The following CEP170 variants were observed in gnomAD, a reference collection of about 807,000 sequenced individuals.
CEP170 encodes centrosomal protein 170.
Under a neutral mutation model 151.9 loss-of-function variants are expected in CEP170, and 21 were observed. The observed-to-expected ratio is 0.14, with a 90% CI of 0.10 to 0.20. CEP170 has a LOEUF of 0.20. Among genes scored for constraint, CEP170 ranks in the 10% least tolerant of loss-of-function variants. The pLI, the probability that CEP170 is intolerant of heterozygous loss-of-function variation, is 1.00. For synonymous variants in CEP170, 356 were observed against 648.8 expected (o/e 0.55, Z 6.86); for missense variants, 964 against 1,892.9 (o/e 0.51, Z 9.11).
At chr1:243,248,805 C>T (rs777372439) in intron 1 of CEP170, among the ~76,000 whole-genome samples, 3 of 152,176 alleles carry the variant, frequency 2.0e-5, no homozygotes, top group Non-Finnish European at 4.4e-5. Flanking sequence ...GCTCATAGCA[C>T]TTAAAATCAA....
At chr1:243,223,159 G>C (rs2062959299) in intron 2 of CEP170, among the ~76,000 whole-genome samples, 1 of 152,150 alleles carries the variant, frequency 6.6e-6, no homozygotes, top group African/African-American at 2.4e-5. Context: ...TCCAAATGTT[G>C]TTAAGAGAAG....
At chr1:243,225,695 A>G (rs2063167227) in intron 1 of CEP170, among the ~76,000 whole-genome samples, 1 of 152,174 alleles carries the variant, frequency 6.6e-6, no homozygotes, top group Non-Finnish European at 1.5e-5. Flanking sequence ...TGTACCAATA[A>G]ATGTCTTAGG....
At chr1:243,192,080 T>C (rs2060340538) in intron 7 of CEP170, among the ~76,000 whole-genome samples, 1 of 152,198 alleles carries the variant, frequency 6.6e-6, no homozygotes, top group African/African-American at 2.4e-5. Flanking sequence ...GACAAAGATA[T>C]TGCTGAAGTG....
intron 3 of CEP170, among the ~76,000 whole-genome samples, chr1:243,217,132 AAC>A (rs1302817322): frequency 2.6e-5 from 4 of 152,198 alleles, no homozygotes. Flanking sequence ...ATGCAATTGT[AAC>A]ACAGATAGGA....
At chr1:243,153,916 C>T (rs1369827518) in intron 14 of CEP170, among the ~76,000 whole-genome samples, 1 of 152,236 alleles carries the variant, frequency 6.6e-6, no homozygotes, top group Non-Finnish European at 1.5e-5. Flanking sequence ...TAAAAACCTG[C>T]ATCATGTCTT....
intron 1 of CEP170, among the ~76,000 whole-genome samples, chr1:243,237,508 A>T (rs1418849835): frequency 2.0e-5 from 3 of 152,236 alleles, no homozygotes; most frequent in Admixed American, 6.5e-5. Flanking sequence ...TATAGTATAT[A>T]AACATGCAGA....
At chr1:243,253,492 C>T (rs2066142897) in intron 1 of CEP170, among the ~76,000 whole-genome samples, 1 of 152,188 alleles carries the variant, frequency 6.6e-6, no homozygotes, top group South Asian at 2.1e-4. Context: ...CTGTCAAGTG[C>T]ACTTGGGCTC....
intron 14 of CEP170, among the ~76,000 whole-genome samples, chr1:243,146,291 G>A (rs2056478623): frequency 6.6e-6 from 1 of 152,176 alleles, no homozygotes; most frequent in African/African-American, 2.4e-5. Flanking sequence ...GGATGCACCA[G>A]GGAGACTTTT....
rs1171097772 is a variant in CEP170, at chr1:243,156,250, A to G, written c.3882T>C (p.Asp1294=). ...CTATCTCTTCTCGATGAGCAGTCCA[A>G]TCTCGGATGTAGTCTTCCTGCTCTT... is the stretch of plus-strand genomic sequence containing the variant. ...RIKEQEDYIR[D]WTAHREEIAR... The change falls in exon 14 of 20, where the codon GAT becomes GAC. Residue 1294 remains aspartate, a synonymous_variant. Coordinates refer to ENST00000366542, the MANE Select transcript of CEP170 (RefSeq NM_014812.3). The G allele has an allele frequency of 7.5e-6, 12 of 1,589,634 alleles. No individual in the cohort carries two copies. In the African/African-American group the frequency reaches 1.5e-4, roughly 20 times the overall value.
In CEP170 at chr1:243,200,893, G is replaced by A. The variant is rs567670739; in HGVS notation, c.275-58C>T. 1.4e-4 allele frequency: 212 copies of A among 1,555,440 alleles called. 1 individual carries two copies. Among genetic ancestry groups the A allele is most frequent in the Middle Eastern group, 1.7e-4 (1 of 5,864 alleles). On this transcript the variant is annotated intron_variant, in intron 4 of 19. Transcript: ENST00000366542. ...ATTTCTGATAATTGAGCTAAAAATC[G>A]TCATCAAATGTAATTTAGAAATTGT...
chr1:243,186,039 C>T lies in CEP170; in HGVS notation c.1306G>A (p.Val436Ile), dbSNP rs1299980949. The change falls in exon 10 of 20, where the codon GTT becomes ATT. Residue 436 changes from valine to isoleucine, a missense_variant. Val to Ile is a conservative substitution (Grantham distance 29). Transcript: ENST00000366542. ...SSAHHRGGHGVPHGKLLKQKS... is the reference protein window; with the variant it reads ...SSAHHRGGHGIPHGKLLKQKS... ...TGTTTTAACAATTTCCCATGTGGAA[C>T]ACCATGCCCCCCTCTGTGATGCGCA... is the stretch of plus-strand genomic sequence containing the variant. 1 of 1,613,644 alleles carries T rather than the reference C, an allele frequency of 6.2e-7. No individual in the cohort carries two copies. The highest frequency in any genetic ancestry group is 1.3e-5 in the African/African-American group (1 of 74,928).
chr1:243,242,685 A>G (rs939734698), intron 1 of CEP170, among the ~76,000 whole-genome samples: 11 of 151,790 alleles, frequency 7.2e-5, no homozygotes, highest in African/African-American at 2.7e-4. Context: ...TGCCTCTCCA[A>G]TTTATAAATT....
At chr1:243,172,328 G>A (rs2058905792) in intron 11 of CEP170, among the ~76,000 whole-genome samples, 1 of 152,142 alleles carries the variant, frequency 6.6e-6, no homozygotes, top group Non-Finnish European at 1.5e-5. Flanking sequence ...TTAAAATAAT[G>A]TAATTTACAA....
intron 1 of CEP170, among the ~76,000 whole-genome samples, chr1:243,226,054 T>G (rs1572472567): frequency 7.3e-5 from 1 of 13,622 alleles, no homozygotes; most frequent in Admixed American, 1.7e-3. Flanking sequence ...GATATATATA[T>G]CTAGATATAT....
intron 4 of CEP170, among the ~76,000 whole-genome samples, chr1:243,209,586 G>A (rs1354529985): frequency 6.6e-6 from 1 of 152,142 alleles, no homozygotes; most frequent in Non-Finnish European, 1.5e-5. Flanking sequence ...GTACAAAAAT[G>A]TCTTCAATCT....
At chr1:243,160,939 G>A (rs1391000228) in intron 13 of CEP170, among the ~76,000 whole-genome samples, 1 of 151,964 alleles carries the variant, frequency 6.6e-6, no homozygotes, top group Non-Finnish European at 1.5e-5. Flanking sequence ...TGAAAACCAA[G>A]TGCTTTATTT....
intron 3 of CEP170, among the ~76,000 whole-genome samples, chr1:243,213,221 T>TA (rs753185418): frequency 1.2e-4 from 19 of 152,132 alleles, no homozygotes; most frequent in Non-Finnish European, 2.2e-4. Flanking sequence ...AGCACAGACC[T>TA]ACGAGCATGA....
At chr1:243,180,406 A>G (rs192925718) in intron 10 of CEP170, among the ~76,000 whole-genome samples, 53 of 152,334 alleles carry the variant, frequency 3.5e-4, no homozygotes, top group African/African-American at 8.9e-4. Flanking sequence ...AGGGTTGAGG[A>G]GAACTAATCA....
intron 1 of CEP170, among the ~76,000 whole-genome samples, chr1:243,228,853 A>C (rs896252297): frequency 3.9e-5 from 6 of 152,236 alleles, no homozygotes; most frequent in Admixed American, 3.3e-4. Context: ...TACATATTTC[A>C]TCTTGACTTT....
Sources: allele counts gnomAD v4.1 joint callset (sites outside exome capture counted in the v4.1 genomes callset), GRCh38; gene constraint gnomAD v4.1.1; transcripts MANE v1.5; gene names NCBI Gene and HGNC (gene_info 2026-07-23, HGNC 2026-07-21).